The following PLPPR5 variants were observed in gnomAD, a reference collection of about 807,000 sequenced individuals.
PLPPR5 encodes phospholipid phosphatase-related protein type 5.
PLPPR5 carries 16 observed loss-of-function variants against 33.9 expected under a neutral mutation model. That is an observed-to-expected ratio of 0.47 (90% CI 0.32 to 0.72). PLPPR5 has a LOEUF of 0.72. Among genes scored for constraint, PLPPR5 ranks in the 30% least tolerant of loss-of-function variants. PLPPR5 has a pLI of 0.03. For missense variants in PLPPR5, 301 were observed against 406.7 expected (o/e 0.74, Z 2.23); for synonymous variants, 163 against 150.3 (o/e 1.08, Z -0.62).
chr1:98,932,894 G>A (rs1369109621), intron 3 of PLPPR5, among the ~76,000 whole-genome samples: 1 of 152,086 alleles, frequency 6.6e-6, no homozygotes, highest in Non-Finnish European at 1.5e-5. Context: ...AAGCAGCAAG[G>A]TCTGCTTTAC....
chr1:98,960,697 CTGGT>C (rs1453563438), intron 1 of PLPPR5, among the ~76,000 whole-genome samples: 1 of 152,152 alleles, frequency 6.6e-6, no homozygotes, highest in Non-Finnish European at 1.5e-5. Context: ...CTTTATTTGA[CTGGT>C]TTGGACAATA....
At chr1:98,926,833 G>A (rs994854874) in intron 3 of PLPPR5, among the ~76,000 whole-genome samples, 43 of 152,092 alleles carry the variant, frequency 2.8e-4, no homozygotes, top group African/African-American at 9.9e-4. Context: ...GACATTTTTC[G>A]TATAAAATTT....
intron 1 of PLPPR5, among the ~76,000 whole-genome samples, chr1:98,996,482 A>G (rs1267587989): frequency 6.6e-6 from 1 of 152,140 alleles, no homozygotes; most frequent in Non-Finnish European, 1.5e-5. Flanking sequence ...TAAAAAAGTA[A>G]CCAGCCTGCT....
At chr1:98,901,390 G>A (rs1648688906) in intron 5 of PLPPR5, among the ~76,000 whole-genome samples, 1 of 152,048 alleles carries the variant, frequency 6.6e-6, no homozygotes, top group South Asian at 2.1e-4. Context: ...ATGAAAGTAT[G>A]CATTCATCAA....
intron 1 of PLPPR5, among the ~76,000 whole-genome samples, chr1:98,999,325 T>C (rs1259126066): frequency 6.6e-6 from 1 of 152,200 alleles, no homozygotes; most frequent in African/African-American, 2.4e-5. Context: ...CCAGTACTTA[T>C]ATTTACCTCA....
chr1:98,934,174 CTT>C (rs938023001), intron 3 of PLPPR5, among the ~76,000 whole-genome samples: 1 of 152,122 alleles, frequency 6.6e-6, no homozygotes, highest in Admixed American at 6.5e-5. Flanking sequence ...ATTTCACAGG[CTT>C]TTTCTCCCAA....
At chr1:98,936,522 G>A (rs1288647282) in intron 3 of PLPPR5, among the ~76,000 whole-genome samples, 2 of 152,180 alleles carry the variant, frequency 1.3e-5, no homozygotes, top group Non-Finnish European at 1.5e-5. Flanking sequence ...CTGATCCTCA[G>A]GATGTGCATG....
At chr1:99,001,523 A>G (rs1274644411) in intron 1 of PLPPR5, among the ~76,000 whole-genome samples, 1 of 151,830 alleles carries the variant, frequency 6.6e-6, no homozygotes, top group Non-Finnish European at 1.5e-5. Flanking sequence ...AGCATTATAT[A>G]AAAGTGATAA....
intron 1 of PLPPR5, among the ~76,000 whole-genome samples, chr1:98,993,860 G>A (rs977126388): frequency 6.6e-5 from 10 of 152,012 alleles, no homozygotes; most frequent in Non-Finnish European, 1.0e-4. Flanking sequence ...TTATAAAAGG[G>A]ATCACTGCAC....
At chr1:98,946,128 G>A (rs993061273) in intron 3 of PLPPR5, among the ~76,000 whole-genome samples, 4 of 152,018 alleles carry the variant, frequency 2.6e-5, no homozygotes, top group Admixed American at 2.6e-4. Context: ...CTCTGTCTAG[G>A]GATTTTGATT....
chr1:98,993,335 G>T (rs1652522179), intron 1 of PLPPR5, among the ~76,000 whole-genome samples: 1 of 151,970 alleles, frequency 6.6e-6, no homozygotes, highest in African/African-American at 2.4e-5. Flanking sequence ...GCCTGATAGT[G>T]TGGCTTGAAA....
chr1:98,930,726 T>G (rs1649931518), intron 3 of PLPPR5, among the ~76,000 whole-genome samples: 1 of 152,128 alleles, frequency 6.6e-6, no homozygotes, highest in Non-Finnish European at 1.5e-5. Flanking sequence ...TTTCTAACCC[T>G]CATTAGTGAG....
In PLPPR5 at chr1:99,001,671, G is replaced by GATAGATAT. The variant is rs1247519605; in HGVS notation, c.237+2763_237+2764insATATCTAT. ...ACTAGAAATGAGTTTGAAAGTTAAA[G>GATAGATAT]ATATATATATATATATATATATATA... On this transcript the variant is annotated intron_variant, in intron 1 of 5. Coordinates refer to ENST00000263177, the MANE Select transcript of PLPPR5 (RefSeq NM_001037317.2). Among the ~76,000 whole-genome samples, 82 of 102,148 alleles carry GATAGATAT rather than the reference G, an allele frequency of 8.0e-4. No homozygotes were observed. The East Asian group carries it at 9.3e-3, about 12-fold the overall frequency. 67.0% of individuals were successfully genotyped at this position (102,148 alleles called of 152,430 possible). A position where few individuals can be genotyped will look rare whatever the true frequency, so the allele number is the denominator to read the frequency against.
chr1:98,955,247 G>T (rs1392373379), intron 2 of PLPPR5, among the ~76,000 whole-genome samples: 1 of 152,030 alleles, frequency 6.6e-6, no homozygotes, highest in East Asian at 1.9e-4. Flanking sequence ...CATATAAGAA[G>T]AAGCATGCAG....
chr1:98,911,165 A>G (rs1330420536), intron 5 of PLPPR5, among the ~76,000 whole-genome samples: 1 of 152,134 alleles, frequency 6.6e-6, no homozygotes, highest in Non-Finnish European at 1.5e-5. Context: ...AGTGCAGGGG[A>G]CAGAACTTGC....
chr1:98,941,219 A>T (rs1400806535), intron 3 of PLPPR5, among the ~76,000 whole-genome samples: 1 of 151,948 alleles, frequency 6.6e-6, no homozygotes, highest in African/African-American at 2.4e-5. Context: ...CTTAATGAGA[A>T]GAAAAGCAAA....
In PLPPR5 at chr1:99,001,671, G is replaced by GATAGATAGATATATATAT. The variant is rs1247519605; in HGVS notation, c.237+2763_237+2764insATATATATATCTATCTAT. Among the ~76,000 whole-genome samples, 4 of 102,192 alleles carry GATAGATAGATATATATAT rather than the reference G, an allele frequency of 3.9e-5. No homozygotes were observed. The East Asian group carries it at 1.1e-3, about 28-fold the overall frequency. The allele number at this position is 102,192 out of a possible 152,430, so 67.0% of individuals were successfully genotyped here. On this transcript the variant is annotated intron_variant, in intron 1 of 5. Coordinates refer to ENST00000263177, the MANE Select transcript of PLPPR5 (RefSeq NM_001037317.2). ...ACTAGAAATGAGTTTGAAAGTTAAA[G>GATAGATAGATATATATAT]ATATATATATATATATATATATATA...
intron 3 of PLPPR5, among the ~76,000 whole-genome samples, chr1:98,938,532 A>G (rs939829907): frequency 1.3e-5 from 2 of 148,254 alleles, no homozygotes; most frequent in Non-Finnish European, 3.0e-5. Context: ...ACATTTATAT[A>G]TTTATATAAA....
At chr1:99,002,098 T>G (rs931598644) in intron 1 of PLPPR5, among the ~76,000 whole-genome samples, 4 of 152,082 alleles carry the variant, frequency 2.6e-5, no homozygotes, top group African/African-American at 9.7e-5. Flanking sequence ...CCAGCGTTCT[T>G]GAGAAGAGTG....
Sources: allele counts gnomAD v4.1 joint callset (sites outside exome capture counted in the v4.1 genomes callset), GRCh38; gene constraint gnomAD v4.1.1; transcripts MANE v1.5; gene names NCBI Gene and HGNC (gene_info 2026-07-23, HGNC 2026-07-21).